The following PDE11A variants were observed in gnomAD, a reference collection of about 807,000 sequenced individuals.
The protein encoded by PDE11A is phosphodiesterase 11A, also known as dual 3',5'-cyclic-AMP and -GMP phosphodiesterase 11A.
PDE11A carries 100 observed loss-of-function variants against 100.5 expected under a neutral mutation model. The observed-to-expected ratio is 1.00, with a 90% CI of 0.85 to 1.18. The LOEUF (loss-of-function observed/expected upper bound fraction) is 1.18. Ranked by LOEUF, PDE11A falls within the 50% of genes most tolerant of loss-of-function variation. The pLI, the probability that PDE11A is intolerant of heterozygous loss-of-function variation, is 0.00. For missense variants in PDE11A, 1,141 were observed against 1,152.6 expected (o/e 0.99, Z 0.15); for synonymous variants, 381 against 420.8 (o/e 0.91, Z 1.16).
At chr2:178,018,139 CACCTGCCACCCA>C in intron 1 of PDE11A, 23 of 288,674 alleles carry the variant, frequency 8.0e-5, no homozygotes, top group South Asian at 2.3e-4. Flanking sequence ...ACAGCATGTT[CACCTGCCACCCA>C]GCCGCCATTC....
At chr2:178,075,290 T>C (rs2087193524), upstream of PDE11A, among the ~76,000 whole-genome samples, 1 of 152,062 alleles carries the variant, frequency 6.6e-6, no homozygotes, top group African/African-American at 2.4e-5. Flanking sequence ...TGGTGGCTCA[T>C]GCCTGTCATC....
chr2:177,732,990 T>C (rs2105453764), intron 10 of PDE11A, among the ~76,000 whole-genome samples: 1 of 152,362 alleles, frequency 6.6e-6, no homozygotes. Flanking sequence ...GTATGTATCC[T>C]GAGCAGACAA....
intron 6 of PDE11A, among the ~76,000 whole-genome samples, chr2:177,829,699 GCCTCGGCCTC>G (rs1376018610): frequency 4.0e-5 from 6 of 151,218 alleles, no homozygotes; most frequent in African/African-American, 1.5e-4. Flanking sequence ...TGATCCGCCT[GCCTCGGCCTC>G]CTAAAGTGCT....
chr2:178,102,901 CAATATGATTGGTGTCCTTATG>C (rs574535954), intron 2 of PDE11A, among the ~76,000 whole-genome samples: 2 of 151,778 alleles, frequency 1.3e-5, no homozygotes, highest in Non-Finnish European at 2.9e-5. Flanking sequence ...GCCCTTAATC[CAATATGATTGGTGTCCTTATG>C]AATATGATTG....
At chr2:177,689,271 G>A (rs573664355) in intron 15 of PDE11A, among the ~76,000 whole-genome samples, 2 of 152,108 alleles carry the variant, frequency 1.3e-5, no homozygotes, top group South Asian at 2.1e-4. Flanking sequence ...TAGTAGAGAC[G>A]GGGTTTCTCC....
intron 2 of PDE11A, chr2:178,012,120 C>T (rs1207938289): frequency 6.6e-6 from 1 of 152,302 alleles, no homozygotes; most frequent in Non-Finnish European, 1.5e-5. Context: ...TGCATGAACA[C>T]AATCTACCTG....
chr2:177,721,815 G>C (rs1410612028), intron 12 of PDE11A, among the ~76,000 whole-genome samples: 7 of 152,144 alleles, frequency 4.6e-5, no homozygotes, highest in Admixed American at 4.6e-4. Flanking sequence ...CAGAGCCCAG[G>C]TTGGTGAATT....
intron 2 of PDE11A, among the ~76,000 whole-genome samples, chr2:177,910,184 A>G (rs2084856274): frequency 6.6e-6 from 1 of 152,182 alleles, no homozygotes; most frequent in Admixed American, 6.5e-5. Context: ...TGTGTCATTC[A>G]TTGGCATGAC....
chr2:177,868,634 G>A (rs1413209148), intron 5 of PDE11A, among the ~76,000 whole-genome samples: 3 of 152,166 alleles, frequency 2.0e-5, no homozygotes, highest in South Asian at 2.1e-4. Flanking sequence ...AGAGTCGTCA[G>A]TGTTCACAGA....
At chr2:178,085,285 C>T (rs917185903) in intron 2 of PDE11A, among the ~76,000 whole-genome samples, 7 of 152,042 alleles carry the variant, frequency 4.6e-5, no homozygotes, top group African/African-American at 1.7e-4. Flanking sequence ...AAATGGTGAC[C>T]TATGTTATAC....
rs1462583753 is a variant in PDE11A, at chr2:177,988,733, G to A, written c.1071+25569C>T. On this transcript the variant is annotated intron_variant, in intron 2 of 19. Coordinates refer to ENST00000286063, the MANE Select transcript of PDE11A (RefSeq NM_016953.4). Reference sequence around the variant, plus strand: ...TCTTCTCTTCACTGTCTGTGGCACTGGGAATAAGACATGAATTAATGTTGG... The same window carrying A: ...TCTTCTCTTCACTGTCTGTGGCACTAGGAATAAGACATGAATTAATGTTGG... Among the ~76,000 whole-genome samples the A allele has an allele frequency of 5.9e-5, 9 of 152,164 alleles. No homozygotes were observed. In the South Asian group the frequency reaches 1.9e-3, roughly 32 times the overall value.
intron 10 of PDE11A, among the ~76,000 whole-genome samples, chr2:177,735,212 AT>A (rs2081759600): frequency 1.3e-5 from 2 of 152,362 alleles, no homozygotes; most frequent in Admixed American, 6.5e-5. Context: ...TCCTGCCTTA[AT>A]TCCAAACTGT....
chr2:177,886,697 G>C (rs1157954395), intron 4 of PDE11A, among the ~76,000 whole-genome samples: 1 of 152,090 alleles, frequency 6.6e-6, no homozygotes, highest in African/African-American at 2.4e-5. Context: ...GAATGATACT[G>C]TTTTGTTTTC....
rs1461661312 is a variant in PDE11A, at chr2:177,624,737, T to A, written c.*4670A>T. On this transcript the variant is annotated 3_prime_UTR_variant, in exon 20 of 20. Transcript: ENST00000286063. ...TAATGACTACCATTTATGGGATATG[T>A]GTGATATCAGATAATCTAAAATTGT... The A allele has an allele frequency of 4.6e-5, 7 of 152,238 alleles. No homozygotes were observed. The highest frequency in any genetic ancestry group is 1.7e-4 in the African/African-American group (7 of 41,466). The allele number at this position is 152,238 out of a possible 1,614,324, so 9.4% of individuals were successfully genotyped here.
At chr2:178,091,663 G>A (rs2087424648) in intron 2 of PDE11A, among the ~76,000 whole-genome samples, 1 of 152,104 alleles carries the variant, frequency 6.6e-6, no homozygotes, top group African/African-American at 2.4e-5. Flanking sequence ...ACACTTGCAG[G>A]ACTGCACAGC....
At chr2:177,782,617 A>G (rs563733250) in intron 9 of PDE11A, among the ~76,000 whole-genome samples, 1 of 152,252 alleles carries the variant, frequency 6.6e-6, no homozygotes, top group East Asian at 1.9e-4. Flanking sequence ...CTTGTGCTGT[A>G]TCTGTTATAT....
At chr2:177,822,450 G>A (rs1458356815) in intron 6 of PDE11A, among the ~76,000 whole-genome samples, 1 of 151,844 alleles carries the variant, frequency 6.6e-6, no homozygotes, top group African/African-American at 2.4e-5. Context: ...CATTGATCTA[G>A]GTATCTATCC....
intron 2 of PDE11A, chr2:177,998,542 A>T (rs1175741189): frequency 3.0e-6 from 4 of 1,324,152 alleles, no homozygotes; most frequent in Non-Finnish European, 4.4e-6. Context: ...CGTCAAATAG[A>T]TACATCTTCA....
At chr2:177,729,207 AGTTTTTCCAT>A (rs915666731) in intron 10 of PDE11A, among the ~76,000 whole-genome samples, 15 of 152,250 alleles carry the variant, frequency 9.9e-5, no homozygotes, top group Admixed American at 3.3e-4. Context: ...GGTGGAGCTT[AGTTTTTCCAT>A]GTACTTGCAA....
Sources: allele counts gnomAD v4.1 joint callset (sites outside exome capture counted in the v4.1 genomes callset), GRCh38; gene constraint gnomAD v4.1.1; transcripts MANE v1.5; gene names NCBI Gene and HGNC (gene_info 2026-07-23, HGNC 2026-07-21).